The following CACNB2 variants were observed in gnomAD, a reference collection of about 807,000 sequenced individuals.
The protein encoded by CACNB2 is calcium voltage-gated channel auxiliary subunit beta 2.
A neutral mutation model predicts 73.3 loss-of-function variants in CACNB2; 42 were observed. The observed-to-expected ratio is 0.57, with a 90% CI of 0.45 to 0.74. The LOEUF is 0.74. Among genes scored for constraint, CACNB2 ranks in the 30% least tolerant of loss-of-function variants. The pLI is 0.00. For synonymous variants in CACNB2, 348 were observed against 310.3 expected (o/e 1.12, Z -1.28); for missense variants, 940 against 853.0 (o/e 1.10, Z -1.27).
intron 2 of CACNB2, among the ~76,000 whole-genome samples, chr10:18,259,601 C>G (rs1467273172): frequency 6.7e-6 from 1 of 148,546 alleles, no homozygotes; most frequent in Non-Finnish European, 1.5e-5. Flanking sequence ...CATGGTGGTG[C>G]ACACCTGTAG....
chr10:18,310,662 A>G (rs957267307), intron 2 of CACNB2, among the ~76,000 whole-genome samples: 61 of 149,316 alleles, frequency 4.1e-4, no homozygotes, highest in Admixed American at 1.3e-3. Context: ...AAGAAAAGAA[A>G]CCCACCCACT....
intron 2 of CACNB2, among the ~76,000 whole-genome samples, chr10:18,152,474 G>A (rs1318485300): frequency 6.6e-6 from 1 of 152,078 alleles, no homozygotes; most frequent in African/African-American, 2.4e-5. Context: ...TCAGAGGAGT[G>A]GAAGGTGTAT....
chr10:18,186,116 A>C (rs1394550526), intron 2 of CACNB2, among the ~76,000 whole-genome samples: 1 of 152,178 alleles, frequency 6.6e-6, no homozygotes, highest in Non-Finnish European at 1.5e-5. Context: ...CCATTCTCAC[A>C]TTACTATAAA....
chr10:18,206,195 T>C (rs1180939511), intron 2 of CACNB2: 1 of 152,392 alleles, frequency 6.6e-6, no homozygotes, highest in African/African-American at 2.4e-5. Context: ...TTTCGCTATG[T>C]TGGCCAGGCT....
At chr10:18,253,014 G>T (rs751422814) in intron 2 of CACNB2, among the ~76,000 whole-genome samples, 1 of 152,190 alleles carries the variant, frequency 6.6e-6, no homozygotes, top group Non-Finnish European at 1.5e-5. Context: ...AAAGCCATGG[G>T]CTCAGGAGTC....
chr10:18,150,036 A>T (rs1419638356), intron 1 of CACNB2, among the ~76,000 whole-genome samples: 1 of 152,158 alleles, frequency 6.6e-6, no homozygotes, highest in Non-Finnish European at 1.5e-5. Flanking sequence ...GCTACATTTA[A>T]CTCTAAACTC....
chr10:18,382,783 C>T (rs1005753354), intron 2 of CACNB2, among the ~76,000 whole-genome samples: 1 of 152,156 alleles, frequency 6.6e-6, no homozygotes, highest in African/African-American at 2.4e-5. Context: ...TTTATCCAGT[C>T]CATCATTGAT....
intron 6 of CACNB2, among the ~76,000 whole-genome samples, chr10:18,506,844 C>T (rs927042289): frequency 2.0e-5 from 3 of 152,134 alleles, no homozygotes; most frequent in Non-Finnish European, 4.4e-5. Context: ...CTATTGCCCA[C>T]GCTGGAGTGC....
intron 3 of CACNB2, among the ~76,000 whole-genome samples, chr10:18,417,360 CTTTTTTTTTTT>C (rs34847923): frequency 4.6e-5 from 4 of 87,010 alleles, no homozygotes; most frequent in East Asian, 3.4e-4. Flanking sequence ...GCTAAAAATT[CTTTTTTTTTTT>C]TTTTTTTTTT....
rs1179220164 is a variant in CACNB2, at chr10:18,283,392, T to C, written c.214-118532T>C. On this transcript the variant is annotated intron_variant, in intron 2 of 13. Coordinates refer to ENST00000324631, the MANE Select transcript of CACNB2 (RefSeq NM_201596.3). ...ACAGGTATATTTATTGCAGCACTAT[T>C]CACAATAGCAAAGACTTGGAACCAA... 2.0e-5 allele frequency among the ~76,000 whole-genome samples: 3 copies of C among 152,190 alleles called. No individual in the cohort carries two copies. In the East Asian group the frequency reaches 5.8e-4, roughly 29 times the overall value.
At chr10:18,341,597 C>CA (rs879588321) in intron 2 of CACNB2, among the ~76,000 whole-genome samples, 101 of 150,856 alleles carry the variant, frequency 6.7e-4, no homozygotes, top group African/African-American at 1.5e-3. Flanking sequence ...AAAACATGCA[C>CA]AAAAAAAACC....
intron 2 of CACNB2, among the ~76,000 whole-genome samples, chr10:18,163,248 C>T (rs541417940): frequency 2.0e-5 from 3 of 152,244 alleles, no homozygotes; most frequent in East Asian, 1.9e-4. Flanking sequence ...ATGTTAGTAT[C>T]CCCGTTTAAC....
In CACNB2 at chr10:18,541,869, GAAAAA is replaced by G. The variant is rs937619679; in HGVS notation, c.*2150_*2154del. On this transcript the variant is annotated 3_prime_UTR_variant, in exon 14 of 14. Transcript: ENST00000324631. The stretch of plus-strand genomic sequence containing the variant: ...AGAGTGAGACTCCATCTCCAAAAAA[GAAAAA>G]AAAACAAAAAACAAAAAAAACTATC... The G allele has an allele frequency of 6.9e-6, 1 of 144,304 alleles. No homozygotes were observed. Among genetic ancestry groups the G allele is most frequent in the Non-Finnish European group, 1.5e-5 (1 of 65,564 alleles). The allele number at this position is 144,304 out of a possible 1,614,324, so 8.9% of individuals were successfully genotyped here.
chr10:18,291,250 AAT>A (rs2039057152), intron 2 of CACNB2, among the ~76,000 whole-genome samples: 1 of 152,212 alleles, frequency 6.6e-6, no homozygotes, highest in South Asian at 2.1e-4. Context: ...AACAGCAGCT[AAT>A]CTACAAGAGC....
intron 3 of CACNB2, among the ~76,000 whole-genome samples, chr10:18,454,856 T>C (rs190561033): frequency 9.9e-5 from 15 of 152,160 alleles, no homozygotes; most frequent in African/African-American, 2.4e-4. Context: ...CTGGGCAACA[T>C]AGAAAGACTG....
chr10:18,447,037 G>A (rs2046768842), intron 3 of CACNB2, among the ~76,000 whole-genome samples: 1 of 151,678 alleles, frequency 6.6e-6, no homozygotes, highest in Non-Finnish European at 1.5e-5. Flanking sequence ...TCCACCCTGG[G>A]TGACAGAGCA....
chr10:18,483,352 G>A (rs530744763), intron 3 of CACNB2, among the ~76,000 whole-genome samples: 1 of 151,982 alleles, frequency 6.6e-6, no homozygotes, highest in South Asian at 2.1e-4. Context: ...CCAACATGGT[G>A]AAACCCCGTT....
At chr10:18,406,074 G>C (rs2044272138) in intron 3 of CACNB2, among the ~76,000 whole-genome samples, 1 of 152,186 alleles carries the variant, frequency 6.6e-6, no homozygotes, top group Non-Finnish European at 1.5e-5. Context: ...CTATATTAAA[G>C]AAAATGTTAG....
At chr10:18,417,003 GAC>G (rs1323255418) in intron 3 of CACNB2, among the ~76,000 whole-genome samples, 1 of 146,934 alleles carries the variant, frequency 6.8e-6, no homozygotes, top group Non-Finnish European at 1.5e-5. Context: ...CTTTTAGAAA[GAC>G]ACAGGCTTAT....
Sources: allele counts gnomAD v4.1 joint callset (sites outside exome capture counted in the v4.1 genomes callset), GRCh38; gene constraint gnomAD v4.1.1; transcripts MANE v1.5; gene names NCBI Gene and HGNC (gene_info 2026-07-23, HGNC 2026-07-21).